The following WDPCP variants were observed in gnomAD, a reference collection of about 807,000 sequenced individuals.
WDPCP encodes the protein WD repeat-containing and planar cell polarity effector protein fritz homolog.
WDPCP carries 71 observed loss-of-function variants against 93.1 expected under a neutral mutation model. The observed-to-expected ratio is 0.76, with a 90% CI of 0.63 to 0.93. The LOEUF is 0.93. Ranked by LOEUF, WDPCP falls within the 40% of genes least tolerant of loss-of-function variation. The pLI, the probability that WDPCP is intolerant of heterozygous loss-of-function variation, is 0.00. For synonymous variants in WDPCP, 315 were observed against 315.0 expected (o/e 1.00, Z 0.00); for missense variants, 844 against 887.4 (o/e 0.95, Z 0.62).
At chr2:63,577,585 C>A (rs922222287) in intron 1 of WDPCP, among the ~76,000 whole-genome samples, 4 of 152,006 alleles carry the variant, frequency 2.6e-5, no homozygotes, top group Non-Finnish European at 5.9e-5. Context: ...GTCATGTAAG[C>A]CTGTGAGATT....
intron 13 of WDPCP, among the ~76,000 whole-genome samples, chr2:63,311,165 G>T (rs1686161244): frequency 6.6e-6 from 1 of 152,104 alleles, no homozygotes; most frequent in Non-Finnish European, 1.5e-5. Flanking sequence ...ATACACCTTT[G>T]TGTGATCCCA....
intron 10 of WDPCP, among the ~76,000 whole-genome samples, chr2:63,397,218 C>T (rs1030503939): frequency 7.2e-5 from 11 of 152,054 alleles, no homozygotes; most frequent in Admixed American, 1.3e-4. Context: ...AAGGCCGAAT[C>T]GATAGGATTT....
chr2:63,627,957 C>T (rs370691729), intron 3 of WDPCP, among the ~76,000 whole-genome samples: 1 of 152,156 alleles, frequency 6.6e-6, no homozygotes, highest in Admixed American at 6.5e-5. Context: ...ACACTTGAGC[C>T]GTCCTCGGAC....
intron 1 of WDPCP, among the ~76,000 whole-genome samples, chr2:63,515,977 G>A (rs920231541): frequency 6.7e-6 from 1 of 150,218 alleles, no homozygotes; most frequent in African/African-American, 2.5e-5. Context: ...CCAAGATCAC[G>A]CTATTGCACT....
chr2:63,801,498 G>A (rs569994111), intron 2 of WDPCP, among the ~76,000 whole-genome samples: 13 of 152,294 alleles, frequency 8.5e-5, no homozygotes, highest in East Asian at 1.9e-4. Context: ...TGGACCCAGC[G>A]GGTTCCTGCT....
At chr2:63,192,545 G>T (rs990527554) in intron 14 of WDPCP, among the ~76,000 whole-genome samples, 2 of 152,128 alleles carry the variant, frequency 1.3e-5, no homozygotes, top group African/African-American at 2.4e-5. Flanking sequence ...TACCCCATTT[G>T]CAGATACAGA....
At chr2:63,802,346 A>G (rs1228876308) in intron 2 of WDPCP, among the ~76,000 whole-genome samples, 1 of 143,966 alleles carries the variant, frequency 6.9e-6, no homozygotes, top group Non-Finnish European at 1.5e-5. Flanking sequence ...AGCATGCCCT[A>G]TGGGAAGGAG....
chr2:63,549,559 G>A (rs1054090472), intron 1 of WDPCP, among the ~76,000 whole-genome samples: 4 of 152,150 alleles, frequency 2.6e-5, no homozygotes. Flanking sequence ...ACAAGGTCAG[G>A]AGTTCAAGAC....
chr2:63,520,176 A>G (rs986165457), intron 1 of WDPCP, among the ~76,000 whole-genome samples: 7 of 152,218 alleles, frequency 4.6e-5, no homozygotes, highest in African/African-American at 1.7e-4. Flanking sequence ...TCAGTCAGAC[A>G]AAAATAAAGA....
In WDPCP at chr2:63,557,200, A is replaced by T. The variant is rs188057372; in HGVS notation, c.75+30997T>A. On this transcript the variant is annotated intron_variant, in intron 1 of 17. Coordinates refer to ENST00000272321, the MANE Select transcript of WDPCP (RefSeq NM_015910.7). Reference sequence around the variant, plus strand: ...AAATGGACTAAATGCCCCCAATTAAAAGACACAGAATGACAAGCTAGATAA... The same window carrying T: ...AAATGGACTAAATGCCCCCAATTAATAGACACAGAATGACAAGCTAGATAA... Among the ~76,000 whole-genome samples, 31 of 152,320 alleles carry T rather than the reference A, an allele frequency of 2.0e-4. No homozygotes were observed. In the East Asian group the frequency reaches 5.8e-3, roughly 28 times the overall value.
At chr2:63,395,813 C>T (rs536844366) in intron 10 of WDPCP, among the ~76,000 whole-genome samples, 25 of 152,140 alleles carry the variant, frequency 1.6e-4, no homozygotes, top group Non-Finnish European at 2.1e-4. Flanking sequence ...CTGCATCCTC[C>T]GCCTCCCAAG....
At chr2:63,731,037 G>A (rs1027727389) in intron 2 of WDPCP, among the ~76,000 whole-genome samples, 12 of 152,078 alleles carry the variant, frequency 7.9e-5, no homozygotes, top group East Asian at 3.8e-4. Flanking sequence ...TTGGGAGGCC[G>A]AGGCGGGCGG....
chr2:63,744,570 C>T (rs970237045), intron 2 of WDPCP, among the ~76,000 whole-genome samples: 7 of 152,092 alleles, frequency 4.6e-5, no homozygotes, highest in Non-Finnish European at 1.0e-4. Flanking sequence ...TGTAGTAAAT[C>T]ACTAAGTTGC....
At chr2:63,463,654 G>C (rs573127970) in intron 6 of WDPCP, among the ~76,000 whole-genome samples, 1 of 152,110 alleles carries the variant, frequency 6.6e-6, no homozygotes, top group Non-Finnish European at 1.5e-5. Flanking sequence ...TAAACCAGTG[G>C]AACAGAAAAG....
intron 2 of WDPCP, among the ~76,000 whole-genome samples, chr2:63,688,808 T>C (rs1451133014): frequency 1.3e-5 from 2 of 152,152 alleles, no homozygotes; most frequent in Non-Finnish European, 2.9e-5. Context: ...TGTTGAAATT[T>C]GATTGCCAAT....
intron 6 of WDPCP, among the ~76,000 whole-genome samples, chr2:63,474,725 T>C (rs538572458): frequency 1.2e-4 from 18 of 152,272 alleles, no homozygotes; most frequent in Middle Eastern, 6.8e-3. Flanking sequence ...ATTAGTTCAG[T>C]GTTGGGTTCA....
At position 63,121,867 on chromosome 2, in the gene WDPCP, ACACT is replaced by A. The variant is rs1263285992; in HGVS notation, c.*135_*138del. 3.4e-6 allele frequency: 5 copies of A among 1,457,470 alleles called. No homozygotes were observed. The highest frequency in any genetic ancestry group is 1.5e-5 in the South Asian group (1 of 65,024). 90.3% of individuals were successfully genotyped at this position (1,457,470 alleles called of 1,614,324 possible). On this transcript the variant is annotated 3_prime_UTR_variant, in exon 18 of 18. Transcript: ENST00000272321. ...TAATAAAACTTTATTTTGAAAACAA[ACACT>A]CAACTCAAAACTCTTAACTAATTTA...
intron 17 of WDPCP, among the ~76,000 whole-genome samples, chr2:63,146,255 G>T (rs1352864139): frequency 6.6e-6 from 1 of 152,120 alleles, no homozygotes; most frequent in African/African-American, 2.4e-5. Context: ...GAATAGGAGT[G>T]GTGAGAGAGG....
intron 1 of WDPCP, among the ~76,000 whole-genome samples, chr2:63,575,251 T>C (rs1045422662): frequency 2.0e-5 from 3 of 150,258 alleles, no homozygotes; most frequent in African/African-American, 7.3e-5. Flanking sequence ...CTATAGATAG[T>C]ATGTCTCTCT....
Sources: allele counts gnomAD v4.1 joint callset (sites outside exome capture counted in the v4.1 genomes callset), GRCh38; gene constraint gnomAD v4.1.1; transcripts MANE v1.5; gene names NCBI Gene and HGNC (gene_info 2026-07-23, HGNC 2026-07-21).